Variants in SCMH1 observed in about 807,000 individuals in gnomAD.
SCMH1 encodes the protein polycomb protein SCMH1.
SCMH1 carries 37 observed loss-of-function variants against 70.8 expected under a neutral mutation model. That is an observed-to-expected ratio of 0.52 (90% CI 0.40 to 0.69). The LOEUF (loss-of-function observed/expected upper bound fraction) is 0.69. Ranked by LOEUF, SCMH1 falls within the 30% of genes least tolerant of loss-of-function variation. SCMH1 has a pLI of 0.00. For synonymous variants in SCMH1, 292 were observed against 307.4 expected, an observed-to-expected ratio of 0.95 and a Z score of 0.52; for missense variants, 607 against 827.3, an observed-to-expected ratio of 0.73 and a Z score of 3.27.
chr1:41,185,724 C>A (rs1246819584), intron 2 of SCMH1, among the ~76,000 whole-genome samples: 1 of 148,132 alleles, frequency 6.8e-6, no homozygotes, highest in Non-Finnish European at 1.5e-5. Context: ...CAACCTCCGC[C>A]TCCCGGGTTC....
At chr1:41,027,335 G>A (rs1317011311) in exon 15 of SCMH1, 1 of 152,254 alleles carries the variant, frequency 6.6e-6, no homozygotes, top group Non-Finnish European at 1.5e-5. Flanking sequence ...CTCCAGCCTG[G>A]AAAACCTGCC....
chr1:41,138,289 A>C (rs1643679356), intron 6 of SCMH1, among the ~76,000 whole-genome samples: 1 of 152,226 alleles, frequency 6.6e-6, no homozygotes, highest in Admixed American at 6.5e-5. Flanking sequence ...CTGAATCAAA[A>C]GTAGGTCCTA....
intron 10 of SCMH1, among the ~76,000 whole-genome samples, chr1:41,056,338 G>A (rs1388920268): frequency 6.6e-6 from 1 of 152,212 alleles, no homozygotes; most frequent in African/African-American, 2.4e-5. Flanking sequence ...GCAGAGATGA[G>A]CTGTATTCAT....
intron 2 of SCMH1, among the ~76,000 whole-genome samples, chr1:41,170,313 G>A (rs1646703957): frequency 6.6e-6 from 1 of 152,142 alleles, no homozygotes; most frequent in African/African-American, 2.4e-5. Context: ...GGATGCTGGG[G>A]CTTCCCTTCC....
chr1:41,138,781 A>T lies in SCMH1; in HGVS notation c.412+4097T>A, dbSNP rs530073751. Among the ~76,000 whole-genome samples the T allele has an allele frequency of 5.3e-5, 8 of 152,214 alleles. No homozygotes were observed. In the South Asian group the frequency reaches 1.7e-3, roughly 32 times the overall value. On this transcript the variant is annotated intron_variant, in intron 6 of 14. Transcript: ENST00000337495. ...GTTGCTGTGCAACAGGTTTCCTCTG[A>T]TTAGTCGTTGGTTTTGGAAGCATTT...
intron 10 of SCMH1, among the ~76,000 whole-genome samples, chr1:41,060,492 G>A (rs1312916173): frequency 1.3e-5 from 2 of 151,886 alleles, no homozygotes; most frequent in East Asian, 3.9e-4. Context: ...TTGAGGGAGT[G>A]TGTTGCCAGA....
intron 4 of SCMH1, 58 bp downstream of exon 4, chr1:41,160,817 C>T: frequency 6.7e-7 from 1 of 1,481,940 alleles, no homozygotes; most frequent in Non-Finnish European, 9.2e-7. Context: ...TGGTTATAAT[C>T]TAATCCCTGG....
At chr1:41,111,378 C>T (rs902048341) in intron 8 of SCMH1, among the ~76,000 whole-genome samples, 2 of 152,174 alleles carry the variant, frequency 1.3e-5, no homozygotes, top group Non-Finnish European at 2.9e-5. Flanking sequence ...CTCGCTCTGT[C>T]GCCCAGGCTG....
At chr1:41,169,307 G>A (rs542881410) in intron 2 of SCMH1, among the ~76,000 whole-genome samples, 1 of 152,286 alleles carries the variant, frequency 6.6e-6, no homozygotes, top group East Asian at 1.9e-4. Flanking sequence ...ATCAGCTCCC[G>A]AATGTAAGTT....
chr1:41,107,767 C>T (rs1011272837), intron 8 of SCMH1, among the ~76,000 whole-genome samples: 1 of 152,174 alleles, frequency 6.6e-6, no homozygotes, highest in Non-Finnish European at 1.5e-5. Context: ...ATCTGCCTGC[C>T]TCGGCCTCCC....
In SCMH1 at chr1:41,186,104, G is replaced by C; in HGVS notation, c.13+17C>G. ...TTAATCCCTCTTACCTCCACGATAGGGTAAAAAGATACTTACCATTAGGCT... is the reference window on the plus strand; with the variant it reads ...TTAATCCCTCTTACCTCCACGATAGCGTAAAAAGATACTTACCATTAGGCT... On this transcript the variant is annotated intron_variant, in intron 2 of 14. Coordinates refer to ENST00000337495, the Ensembl canonical transcript of SCMH1. 6.5e-7 allele frequency: 1 copy of C among 1,546,750 alleles called. No individual in the cohort carries two copies. Among genetic ancestry groups the C allele is most frequent in the Non-Finnish European group, 8.7e-7 (1 of 1,144,034 alleles).
At chr1:41,218,666 A>C (rs1557852054) in intron 1 of SCMH1, among the ~76,000 whole-genome samples, 1 of 152,200 alleles carries the variant, frequency 6.6e-6, no homozygotes, top group East Asian at 1.9e-4. Context: ...AACACCTCTT[A>C]ATACTACCTA....
At chr1:41,034,204 A>G (rs1644958057) in intron 13 of SCMH1, among the ~76,000 whole-genome samples, 156 bp from the exon 14 acceptor site, 1 of 111,902 alleles carries the variant, frequency 8.9e-6, no homozygotes, top group Admixed American at 1.4e-4. Context: ...TCTACTTGAG[A>G]GCCCTTTAGA....
At chr1:41,082,421 A>C (rs966595118) in intron 8 of SCMH1, among the ~76,000 whole-genome samples, 3 of 152,198 alleles carry the variant, frequency 2.0e-5, no homozygotes. Flanking sequence ...CAACATTCTT[A>C]AAGAAAAGAA....
At chr1:41,067,728 T>A (rs1655149836) in intron 10 of SCMH1, among the ~76,000 whole-genome samples, 1 of 152,072 alleles carries the variant, frequency 6.6e-6, no homozygotes, top group Non-Finnish European at 1.5e-5. Context: ...ATGGTGGATA[T>A]ATGTCATTAT....
chr1:41,058,613 C>T (rs1441795592), intron 10 of SCMH1, among the ~76,000 whole-genome samples: 1 of 151,974 alleles, frequency 6.6e-6, no homozygotes. Flanking sequence ...ATCTCCTGAC[C>T]TTGTGATCCA....
intron 2 of SCMH1, among the ~76,000 whole-genome samples, chr1:41,163,829 A>G (rs193103506): frequency 1.2e-4 from 18 of 152,344 alleles, no homozygotes; most frequent in African/African-American, 4.3e-4. Flanking sequence ...ATCATTAGAA[A>G]AAAACATATA....
In SCMH1 at chr1:41,211,235, C is replaced by G. The variant is rs368931291; in HGVS notation, c.-117-24985G>C. ...ATCATCAGAGTGAACAAGCAATCTA[C>G]AGAATGGGAGAAAATTTCTGCAATC... On this transcript the variant is annotated intron_variant, in intron 1 of 14. Transcript: ENST00000337495. Among the ~76,000 whole-genome samples the G allele has an allele frequency of 3.3e-5, 5 of 152,180 alleles. No individual in the cohort carries two copies. In the East Asian group the frequency reaches 9.6e-4, roughly 29 times the overall value.
At chr1:41,118,551 T>C (rs1671117498) in intron 6 of SCMH1, among the ~76,000 whole-genome samples, 1 of 152,156 alleles carries the variant, frequency 6.6e-6, no homozygotes, top group South Asian at 2.1e-4. Context: ...ACACACCAAG[T>C]ACAAAATACT....
Sources: gnomAD v4.1 joint callset for allele counts (sites outside exome capture counted in the v4.1 genomes callset) on GRCh38, gnomAD v4.1.1 for gene constraint, MANE v1.5 for transcripts, NCBI Gene and HGNC (gene_info 2026-07-23, HGNC 2026-07-21) for gene names.